HGSNAT: variants seen among roughly 807,000 people sequenced by gnomAD.
HGSNAT encodes the protein heparan-alpha-glucosaminide N-acetyltransferase.
A neutral mutation model predicts 85.2 loss-of-function variants in HGSNAT; 59 were observed. The ratio of observed to expected loss-of-function variants is 0.69; its 90% CI spans 0.56 to 0.86. The LOEUF (loss-of-function observed/expected upper bound fraction) is 0.86. Ranked by LOEUF, HGSNAT falls within the 40% of genes least tolerant of loss-of-function variation. The probability of loss-of-function intolerance (pLI) is 0.00; values close to 1 mark genes in which losing one functional copy is unlikely to be tolerated. For synonymous variants in HGSNAT, 321 were observed against 304.5 expected, an observed-to-expected ratio of 1.05 and a Z score of -0.56; for missense variants, 756 against 777.1, an observed-to-expected ratio of 0.97 and a Z score of 0.32.
In HGSNAT at chr8:43,161,509, TA is replaced by T; in HGVS notation, c.563+4del. 6.2e-7 allele frequency: 1 copy of T among 1,602,336 alleles called. No individual in the cohort carries two copies. The highest frequency in any genetic ancestry group is 1.1e-5 in the South Asian group (1 of 88,922). Reference sequence around the variant, plus strand: ...ATCCTTTCTGAGGCTCTTGTTGAGGTAAGATATTTGGGGAGGACGCCACTGG... The same window carrying T: ...ATCCTTTCTGAGGCTCTTGTTGAGGTAGATATTTGGGGAGGACGCCACTGG... On this transcript the variant is annotated splice_donor_region_variant and intron_variant, in intron 5 of 17. Coordinates refer to ENST00000379644, the MANE Select transcript of HGSNAT (RefSeq NM_152419.3).
At chr8:43,187,161 T>C (rs1804345227) in intron 11 of HGSNAT, among the ~76,000 whole-genome samples, 2 of 152,164 alleles carry the variant, frequency 1.3e-5, no homozygotes, top group South Asian at 4.1e-4. Context: ...ATCAGGTCTG[T>C]GTGGTGCAGA....
chr8:43,175,371 C>T (rs1401422606), intron 9 of HGSNAT, among the ~76,000 whole-genome samples: 1 of 152,072 alleles, frequency 6.6e-6, no homozygotes, highest in Non-Finnish European at 1.5e-5. Flanking sequence ...TTTTCCCCAC[C>T]TCCTCATCAG....
At chr8:43,143,573 T>C (rs1802618899) in intron 1 of HGSNAT, among the ~76,000 whole-genome samples, 2 of 151,680 alleles carry the variant, frequency 1.3e-5, no homozygotes, top group African/African-American at 4.8e-5. Flanking sequence ...AGTCTCGCTC[T>C]GTCGCCCAGG....
At chr8:43,165,232 A>G (rs988137074) in intron 5 of HGSNAT, among the ~76,000 whole-genome samples, 1 of 151,836 alleles carries the variant, frequency 6.6e-6, no homozygotes, top group African/African-American at 2.4e-5. Flanking sequence ...TGTTATGGTG[A>G]TCTGTGATCA....
In HGSNAT at chr8:43,202,352, A is replaced by T. The variant is rs1230337186; in HGVS notation, c.*2783A>T. 2 of 152,298 alleles carry T rather than the reference A, an allele frequency of 1.3e-5. No homozygotes were observed. Among genetic ancestry groups the T allele is most frequent in the African/African-American group, 2.4e-5 (1 of 41,452 alleles). The allele number at this position is 152,298 out of a possible 1,614,324, so 9.4% of individuals were successfully genotyped here. A position where few individuals can be genotyped will look rare whatever the true frequency, so the allele number is the denominator to read the frequency against. ...CTCGCTTGTCCCAAGACCAGCAGGGACAGGGAACTGTCCGAGCCCGTGGCT... is the reference window on the plus strand; with the variant it reads ...CTCGCTTGTCCCAAGACCAGCAGGGTCAGGGAACTGTCCGAGCCCGTGGCT... On this transcript the variant is annotated 3_prime_UTR_variant, in exon 18 of 18. Transcript: ENST00000379644.
intron 9 of HGSNAT, 33 bp from the exon 10 acceptor site, chr8:43,178,041 A>G (rs534021990): frequency 6.3e-7 from 1 of 1,597,034 alleles, no homozygotes; most frequent in South Asian, 1.1e-5. Context: ...AAATTTGGAA[A>G]TGGCCACCTA....
intron 9 of HGSNAT, among the ~76,000 whole-genome samples, chr8:43,175,661 G>A (rs1188403069): frequency 6.7e-6 from 1 of 149,684 alleles, no homozygotes; most frequent in African/African-American, 2.5e-5. Flanking sequence ...TGCCTCCTGG[G>A]TTCCAGCGAT....
intron 14 of HGSNAT, chr8:43,196,234 G>T (rs1033660627): frequency 5.3e-5 from 18 of 339,126 alleles, no homozygotes; most frequent in Non-Finnish European, 9.3e-5. Context: ...CTAAGAACTG[G>T]CACATAAAAA....
intron 11 of HGSNAT, among the ~76,000 whole-genome samples, chr8:43,186,978 C>G (rs992638672): frequency 1.3e-5 from 2 of 152,174 alleles, no homozygotes; most frequent in Admixed American, 1.3e-4. Flanking sequence ...ATCCTGAGTT[C>G]TAATTTGATT....
Position 43,182,250 on chromosome 8 carries a change from A to C in HGSNAT, c.1118A>C (p.His373Pro), listed in dbSNP as rs1263548568. The C allele has an allele frequency of 1.9e-6, 3 of 1,612,796 alleles. No homozygotes were observed. The highest frequency in any genetic ancestry group is 2.5e-6 in the Non-Finnish European group (3 of 1,178,952). ...CTCTTTGCTAAACCTGTGCCTGAAC[A>C]TTGTGCCTCGGTGAGAAACCATGTT... ...ELLFAKPVPEHCASERSCLSL... is the reference protein window; with the variant it reads ...ELLFAKPVPEPCASERSCLSL... The change falls in exon 11 of 18, where the codon CAT (histidine) becomes CCT (proline). Residue 373 changes from histidine to proline, a missense_variant. By Grantham distance (77) the His-to-Pro change is moderately conservative. Transcript: ENST00000379644.
At chr8:43,158,896 T>G (rs369667343) in intron 3 of HGSNAT, 27 bp from the exon 4 acceptor site, 3 of 1,591,352 alleles carry the variant, frequency 1.9e-6, no homozygotes, top group Non-Finnish European at 2.6e-6. Context: ...TCTAACCACT[T>G]GTCTTAATTT....
Position 43,172,460 on chromosome 8 carries a change from C to G in HGSNAT, c.820+74C>G, listed in dbSNP as rs545140890. ...GCTTCAGGGCAGGAGAATCACTCAG[C>G]ATTCTCCCCAGAAACTCCAGAAATG... is the stretch of plus-strand genomic sequence containing the variant. On this transcript the variant is annotated intron_variant, in intron 8 of 17. Transcript: ENST00000379644. 1.1e-5 allele frequency: 12 copies of G among 1,084,806 alleles called. No homozygotes were observed. The East Asian group carries it at 2.6e-4, about 24-fold the overall frequency. 67.2% of individuals were successfully genotyped at this position (1,084,806 alleles called of 1,614,324 possible).
Position 43,170,603 on chromosome 8 carries a change from A to C in HGSNAT, c.652A>C (p.Arg218=), listed in dbSNP as rs541981232. ...TCTGAAGGAGCTGGGATCTCCCAGC[A>C]GGACAGACCCTCTCGATGGTGATGT... The part of the protein sequence containing the change: ...LINSELGSPS[R]TDPLDGDVQP... Residue 218 remains arginine (R), a synonymous_variant, in exon 7 of 18, where the codon AGG becomes CGG. Transcript: ENST00000379644. 10 of 1,609,484 alleles carry C rather than the reference A, an allele frequency of 6.2e-6. No individual in the cohort carries two copies. In the East Asian group the frequency reaches 2.2e-4, roughly 36 times the overall value.
intron 1 of HGSNAT, among the ~76,000 whole-genome samples, chr8:43,146,504 G>A (rs970067205): frequency 6.6e-6 from 1 of 152,182 alleles, no homozygotes; most frequent in African/African-American, 2.4e-5. Context: ...GTCACAGGCA[G>A]TTATCTAATT....
intron 1 of HGSNAT, 37 bp from the exon 2 acceptor site, chr8:43,146,911 T>A (rs763452840): frequency 1.9e-6 from 1 of 520,048 alleles, no homozygotes. Context: ...TCGGGTGCCT[T>A]TTTTTTTTTT....
intron 2 of HGSNAT, among the ~76,000 whole-genome samples, chr8:43,157,311 C>CAA (rs2130710209): frequency 6.6e-6 from 1 of 151,914 alleles, no homozygotes; most frequent in African/African-American, 2.4e-5. Flanking sequence ...AGTAACTGAA[C>CAA]AAAAAATGAT....
chr8:43,192,921 G>T (rs1190746428), intron 13 of HGSNAT, among the ~76,000 whole-genome samples: 2 of 152,180 alleles, frequency 1.3e-5, no homozygotes, highest in Non-Finnish European at 1.5e-5. Flanking sequence ...CCTTGCGGGG[G>T]AATAAAGGAG....
chr8:43,143,303 G>A (rs1049960229), intron 1 of HGSNAT, among the ~76,000 whole-genome samples: 1 of 152,180 alleles, frequency 6.6e-6, no homozygotes, highest in Non-Finnish European at 1.5e-5. Context: ...ATTAGGACGT[G>A]CCATTTTCTA....
intron 1 of HGSNAT, among the ~76,000 whole-genome samples, chr8:43,143,464 T>C (rs1399354307): frequency 2.6e-5 from 4 of 152,132 alleles, no homozygotes; most frequent in Non-Finnish European, 2.9e-5. Context: ...TAGGTGACTT[T>C]GGGCAAGCTG....
Sources: allele counts gnomAD v4.1 joint callset (sites outside exome capture counted in the v4.1 genomes callset), GRCh38; gene constraint gnomAD v4.1.1; transcripts MANE v1.5; gene names NCBI Gene and HGNC (gene_info 2026-07-23, HGNC 2026-07-21).